TENM3: variants seen among roughly 807,000 people sequenced by gnomAD.
The protein encoded by TENM3 is teneurin transmembrane protein 3, also known as teneurin-3.
In TENM3, 63 loss-of-function variants were observed where a neutral mutation model predicts 255.1. That is an observed-to-expected ratio of 0.25 (90% CI 0.20 to 0.30). TENM3 has a LOEUF of 0.30. TENM3 is among the 10% of genes least tolerant of loss of function. The pLI, the probability that TENM3 is intolerant of heterozygous loss-of-function variation, is 1.00. For missense variants in TENM3, 2,929 were observed against 3,461.1 expected (o/e 0.85, Z 3.86); for synonymous variants, 1,306 against 1,322.3 (o/e 0.99, Z 0.27).
the TENM3 span, among the ~76,000 whole-genome samples, chr4:181,650,375 A>G: frequency 6.6e-6 from 1 of 152,148 alleles, no homozygotes. Context: ...TACCATGTGC[A>G]TTGTCAATTA....
the TENM3 span, among the ~76,000 whole-genome samples, chr4:181,761,633 G>A: frequency 6.6e-6 from 1 of 152,028 alleles, no homozygotes; most frequent in African/African-American, 2.4e-5. Context: ...ATTTTATTAT[G>A]TACCATATTA....
chr4:181,873,559 A>G, the TENM3 span, among the ~76,000 whole-genome samples: 1 of 152,116 alleles, frequency 6.6e-6, no homozygotes, highest in African/African-American at 2.4e-5. Flanking sequence ...GGGATTTTCT[A>G]TATCTCCTAT....
chr4:182,417,748 A>C (rs1770497842), intron 3 of TENM3, among the ~76,000 whole-genome samples: 1 of 152,198 alleles, frequency 6.6e-6, no homozygotes, highest in South Asian at 2.1e-4. Flanking sequence ...TATAGTATTT[A>C]AGTGAAGAGT....
chr4:182,014,748 G>T, the TENM3 span, among the ~76,000 whole-genome samples: 2 of 152,260 alleles, frequency 1.3e-5, no homozygotes, highest in East Asian at 3.9e-4. Flanking sequence ...TTAGGAAGCT[G>T]GTCCTAATGA....
At chr4:182,437,420 G>A (rs1214908210) in intron 3 of TENM3, among the ~76,000 whole-genome samples, 1 of 152,072 alleles carries the variant, frequency 6.6e-6, no homozygotes, top group African/African-American at 2.4e-5. Context: ...AGGCAGAGGT[G>A]GGAGAATCCC....
At chr4:182,770,607 T>C (rs995949736) in intron 22 of TENM3, among the ~76,000 whole-genome samples, 5 of 152,122 alleles carry the variant, frequency 3.3e-5, no homozygotes, top group African/African-American at 1.2e-4. Flanking sequence ...TTCCGGGACC[T>C]GGCCAGGTCC....
intron 4 of TENM3, among the ~76,000 whole-genome samples, chr4:182,622,027 T>A (rs941121619): frequency 2.6e-5 from 4 of 151,362 alleles, no homozygotes; most frequent in Non-Finnish European, 4.4e-5. Context: ...TACATCTTTG[T>A]TTTGAGCAAT....
At chr4:182,093,264 A>G in the TENM3 span, among the ~76,000 whole-genome samples, 51 of 152,200 alleles carry the variant, frequency 3.4e-4, no homozygotes, top group Non-Finnish European at 5.4e-4. Flanking sequence ...TTGTGGGACA[A>G]TTGAAGAGGT....
the TENM3 span, among the ~76,000 whole-genome samples, chr4:182,025,524 G>A: frequency 7.2e-5 from 11 of 152,050 alleles, no homozygotes; most frequent in Middle Eastern, 3.4e-3. Flanking sequence ...CTTTTCTTTT[G>A]GGTATACACC....
chr4:182,598,518 A>G (rs138358662), intron 3 of TENM3, among the ~76,000 whole-genome samples: 281 of 152,346 alleles, frequency 1.8e-3, no homozygotes, highest in Non-Finnish European at 3.5e-3. Context: ...AGTTTTCCCA[A>G]TGGTTACGTT....
At chr4:181,553,349 CACAT>C in the TENM3 span, among the ~76,000 whole-genome samples, 2 of 150,424 alleles carry the variant, frequency 1.3e-5, no homozygotes, top group Non-Finnish European at 2.9e-5. Flanking sequence ...CACACACACA[CACAT>C]ATGTGTAATA....
chr4:182,100,764 TATATATACAC>T, the TENM3 span, among the ~76,000 whole-genome samples: 2 of 70,850 alleles, frequency 2.8e-5, no homozygotes, highest in African/African-American at 5.7e-5. Flanking sequence ...TATATACACA[TATATATACAC>T]ATATATATAC....
the TENM3 span, among the ~76,000 whole-genome samples, chr4:181,488,790 G>T: frequency 6.6e-6 from 1 of 152,130 alleles, no homozygotes. Context: ...TATCTGGCAG[G>T]TTGAATGCAC....
Position 182,649,928 on chromosome 4 carries a change from TGGTGATACATCTTTTGTCATCAGAAG to T in TENM3, c.989-3841_989-3816del, listed in dbSNP as rs1231213354. Among the ~76,000 whole-genome samples the T allele has an allele frequency of 2.0e-5, 3 of 150,526 alleles. 1 individual carries two copies. Among genetic ancestry groups the T allele is most frequent in the Admixed American group, 6.6e-5 (1 of 15,062 alleles). On this transcript the variant is annotated intron_variant, in intron 5 of 27. Coordinates refer to ENST00000511685, the MANE Select transcript of TENM3 (RefSeq NM_001080477.4). ...CCCTCTGGTAGAATACAGAGGTATG[TGGTGATACATCTTTTGTCATCAGAAG>T]GTCGGGGTTTGAGGTTAACATCCAT...
intron 1 of TENM3, among the ~76,000 whole-genome samples, chr4:182,170,367 G>A (rs1752020430): frequency 6.6e-6 from 1 of 152,118 alleles, no homozygotes; most frequent in Admixed American, 6.5e-5. Flanking sequence ...CTATTATGGT[G>A]TAATCCAGTG....
chr4:182,081,583 C>CAAAAAAAAAAAAAAAAA, the TENM3 span, among the ~76,000 whole-genome samples: 1 of 87,530 alleles, frequency 1.1e-5, no homozygotes, highest in Non-Finnish European at 2.1e-5. Flanking sequence ...GGCTCTGCCT[C>CAAAAAAAAAAAAAAAAA]AAAAAAAAAA....
chr4:181,469,821 C>A, the TENM3 span, among the ~76,000 whole-genome samples: 1 of 152,026 alleles, frequency 6.6e-6, no homozygotes, highest in African/African-American at 2.4e-5. Context: ...AATTGTTATA[C>A]CTGAGACTCG....
the TENM3 span, among the ~76,000 whole-genome samples, chr4:181,593,094 T>C: frequency 6.6e-6 from 1 of 152,222 alleles, no homozygotes; most frequent in African/African-American, 2.4e-5. Flanking sequence ...CTTCCATCAG[T>C]TGGCTTTCAA....
chr4:181,664,799 G>T, the TENM3 span, among the ~76,000 whole-genome samples: 1 of 152,138 alleles, frequency 6.6e-6, no homozygotes, highest in South Asian at 2.1e-4. Flanking sequence ...GCTGCACATT[G>T]ACCCCGCTCT....
Sources: allele counts gnomAD v4.1 joint callset (sites outside exome capture counted in the v4.1 genomes callset), GRCh38; gene constraint gnomAD v4.1.1; transcripts MANE v1.5; gene names NCBI Gene and HGNC (gene_info 2026-07-23, HGNC 2026-07-21).